Variants in MCM9 observed in about 807,000 individuals in gnomAD.
The protein encoded by MCM9 is minichromosome maintenance 9 homologous recombination repair factor, also known as DNA helicase MCM9.
Under a neutral mutation model 72.8 loss-of-function variants are expected in MCM9, and 55 were observed. That is an observed-to-expected ratio of 0.76 (90% CI 0.61 to 0.95). The LOEUF (loss-of-function observed/expected upper bound fraction) is 0.95, where lower values mean the gene tolerates loss of function less well. MCM9 is among the 40% of genes least tolerant of loss of function. The probability of loss-of-function intolerance (pLI) is 0.00; values close to 1 mark genes in which losing one functional copy is unlikely to be tolerated. For missense variants in MCM9, 1,279 were observed against 1,377.0 expected, an observed-to-expected ratio of 0.93 and a Z score of 1.13; for synonymous variants, 480 against 503.4, an observed-to-expected ratio of 0.95 and a Z score of 0.62.
chr6:118,898,545 C>T (rs2114508529), intron 8 of MCM9, among the ~76,000 whole-genome samples: 1 of 151,988 alleles, frequency 6.6e-6, no homozygotes, highest in Admixed American at 6.5e-5. Flanking sequence ...GTGCCTCAGC[C>T]TCCCGAGTAG....
chr6:118,839,362 G>C (rs1369122401), intron 9 of MCM9, among the ~76,000 whole-genome samples: 1 of 151,904 alleles, frequency 6.6e-6, no homozygotes, highest in Non-Finnish European at 1.5e-5. Context: ...CTTGCACTGG[G>C]TTAGAACATG....
rs1583495374 is a variant in MCM9 at position 118,872,751 on chromosome 6, C to T, written c.1151-16206G>A. On this transcript the variant is annotated intron_variant, in intron 8 of 13. Transcript: ENST00000619706. ...ACATTAGTGCTACTGAATGAATTCACCAGAAAAGAAGGAAGATACAAAAAT... is the reference window on the plus strand; with the variant it reads ...ACATTAGTGCTACTGAATGAATTCATCAGAAAAGAAGGAAGATACAAAAAT... 2.0e-5 allele frequency among the ~76,000 whole-genome samples: 3 copies of T among 151,508 alleles called. No individual in the cohort carries two copies. The South Asian group carries it at 6.3e-4, about 32-fold the overall frequency.
intron 8 of MCM9, among the ~76,000 whole-genome samples, chr6:118,880,469 T>G (rs1392172060): frequency 2.6e-5 from 4 of 152,172 alleles, no homozygotes; most frequent in Non-Finnish European, 4.4e-5. Context: ...AAAAATCCCT[T>G]CTAAATCTGT....
At chr6:118,829,326 G>C (rs1028895941) in intron 9 of MCM9, 76 bp from the exon 10 acceptor site, 23 of 1,364,044 alleles carry the variant, frequency 1.7e-5, no homozygotes, top group Non-Finnish European at 2.3e-5. Flanking sequence ...TAATAAAATG[G>C]GGCTGCTCTT....
At chr6:118,882,448 CCAT>C (rs1778347766) in intron 8 of MCM9, among the ~76,000 whole-genome samples, 1 of 152,156 alleles carries the variant, frequency 6.6e-6, no homozygotes, top group African/African-American at 2.4e-5. Context: ...AGCTAGTTTA[CCAT>C]AGAGAACCAG....
intron 8 of MCM9, among the ~76,000 whole-genome samples, chr6:118,887,648 C>A: frequency 6.6e-6 from 1 of 151,890 alleles, no homozygotes. Context: ...AAATTAAAAG[C>A]TTTTACACTG....
rs140135912 is a variant in MCM9, at chr6:118,838,210, T to G, written c.1326-8960A>C. Reference sequence around the variant, plus strand: ...GAGTCTCACCCTGTCACCCAGGTTGTGAGTGCAGTGGCAGCGATCTCGGCT... The same window carrying G: ...GAGTCTCACCCTGTCACCCAGGTTGGGAGTGCAGTGGCAGCGATCTCGGCT... On this transcript the variant is annotated intron_variant, in intron 9 of 13. Coordinates refer to ENST00000619706, the MANE Select transcript of MCM9 (RefSeq NM_017696.3). Among the ~76,000 whole-genome samples, 254 of 150,926 alleles carry G rather than the reference T, an allele frequency of 1.7e-3. 1 individual carries two copies. The highest frequency in any genetic ancestry group is 0.01 in the Middle Eastern group (3 of 290).
At chr6:118,841,124 T>C (rs1274762864) in intron 9 of MCM9, among the ~76,000 whole-genome samples, 6 of 152,176 alleles carry the variant, frequency 3.9e-5, no homozygotes, top group Non-Finnish European at 7.3e-5. Context: ...TGAACAGTAA[T>C]GGGATTTACA....
chr6:118,899,960 A>G (rs1779691509), intron 8 of MCM9, among the ~76,000 whole-genome samples: 1 of 152,252 alleles, frequency 6.6e-6, no homozygotes, highest in Non-Finnish European at 1.5e-5. Flanking sequence ...AGACTCCTCC[A>G]AAGAGTTCTA....
At chr6:118,884,517 A>G (rs1180769461) in intron 8 of MCM9, among the ~76,000 whole-genome samples, 2 of 152,168 alleles carry the variant, frequency 1.3e-5, no homozygotes, top group African/African-American at 2.4e-5. Context: ...TTAAAAAAAA[A>G]CAAAACAACT....
chr6:118,820,029 T>G (rs141544216), intron 13 of MCM9, among the ~76,000 whole-genome samples: 2 of 152,188 alleles, frequency 1.3e-5, no homozygotes, highest in Non-Finnish European at 2.9e-5. Context: ...TTCATTAGTA[T>G]GGCTAGCGGT....
intron 9 of MCM9, among the ~76,000 whole-genome samples, chr6:118,841,040 G>A (rs1298399594): frequency 3.3e-5 from 5 of 152,144 alleles, no homozygotes; most frequent in Non-Finnish European, 7.3e-5. Flanking sequence ...GAGCCACTGC[G>A]CTTGGCTCCT....
At chr6:118,873,622 G>C (rs1777754604) in intron 8 of MCM9, among the ~76,000 whole-genome samples, 1 of 152,188 alleles carries the variant, frequency 6.6e-6, no homozygotes, top group South Asian at 2.1e-4. Context: ...TAATGATGTT[G>C]AATCAGTAAT....
chr6:118,815,924 T>TA lies in MCM9; in HGVS notation c.2331dup (p.Asn778Ter). ...TTCTCCTTACCCTGAGATGTGCTGT[T>TA]AGAGATCTTCGAAGCCATATTTTCT... On this transcript the variant is annotated frameshift_variant, in exon 14 of 14. Transcript: ENST00000619706. LOFTEE classifies it low-confidence loss of function (END_TRUNC). 9 of 1,548,696 alleles carry TA rather than the reference T, an allele frequency of 5.8e-6. No individual in the cohort carries two copies. Among genetic ancestry groups the TA allele is most frequent in the Non-Finnish European group, 7.8e-6 (9 of 1,146,960 alleles).
Position 118,905,512 on chromosome 6 carries a change from C to G in MCM9, c.1150+6138G>C, listed in dbSNP as rs186869737. The G allele has an allele frequency of 3.0e-5, 18 of 605,262 alleles. No individual in the cohort carries two copies. In the Admixed American group the frequency reaches 5.3e-4, roughly 18 times the overall value. 37.5% of individuals were successfully genotyped at this position (605,262 alleles called of 1,614,324 possible). ...TTATTATAAGTCAGTCAGAAATGAG[C>G]ATTTTCCTTCCCAGTATGATTTCCA... On this transcript the variant is annotated intron_variant, in intron 8 of 13. Transcript: ENST00000619706.
At chr6:118,900,696 A>C in intron 8 of MCM9, 1 of 1,118,740 alleles carries the variant, frequency 8.9e-7, no homozygotes, top group Non-Finnish European at 1.4e-6. Context: ...TGGACATTAA[A>C]AGGGTCTTTG....
intron 8 of MCM9, among the ~76,000 whole-genome samples, chr6:118,882,509 A>G (rs1175234433): frequency 3.3e-5 from 5 of 152,234 alleles, no homozygotes; most frequent in African/African-American, 1.2e-4. Context: ...AACCTCAAGT[A>G]CTGGATTCAA....
At chr6:118,902,668 G>A (rs1779885358) in intron 8 of MCM9, among the ~76,000 whole-genome samples, 1 of 151,640 alleles carries the variant, frequency 6.6e-6, no homozygotes, top group African/African-American at 2.4e-5. Flanking sequence ...CAAAAAAAAT[G>A]TATTCAAAAG....
intron 13 of MCM9, among the ~76,000 whole-genome samples, chr6:118,825,470 C>T (rs1055646520): frequency 7.2e-5 from 11 of 152,216 alleles, no homozygotes; most frequent in African/African-American, 2.6e-4. Context: ...TTCTTTGCAG[C>T]TGTTCCACTT....
Sources: allele counts gnomAD v4.1 joint callset (sites outside exome capture counted in the v4.1 genomes callset), GRCh38; gene constraint gnomAD v4.1.1; transcripts MANE v1.5; gene names NCBI Gene and HGNC (gene_info 2026-07-23, HGNC 2026-07-21).